TRIM66: variants seen among roughly 807,000 people sequenced by gnomAD.
The protein encoded by TRIM66 is tripartite motif containing 66, also known as tripartite motif-containing protein 66.
A neutral mutation model predicts 148.2 loss-of-function variants in TRIM66; 99 were observed. That is an observed-to-expected ratio of 0.67 (90% CI 0.57 to 0.79). The LOEUF (loss-of-function observed/expected upper bound fraction) is 0.79. Among genes scored for constraint, TRIM66 ranks in the 30% least tolerant of loss-of-function variants. TRIM66 has a pLI of 0.00. For synonymous variants in TRIM66, 616 were observed against 635.9 expected (o/e 0.97, Z 0.47); for missense variants, 1,666 against 1,697.9 (o/e 0.98, Z 0.33).
rs1565514688 is a variant in TRIM66, at chr11:8,640,528, AGGGGAGGTGGGGGATG to A, written c.1831_1846del (p.His611PhefsTer37). 1.7e-6 allele frequency: 1 copy of A among 592,866 alleles called. No individual in the cohort carries two copies. The highest frequency in any genetic ancestry group is 5.2e-5 in the Admixed American group (1 of 19,406). The allele number at this position is 592,866 out of a possible 1,614,324, so 36.7% of individuals were successfully genotyped here. ...GTGTGGCTGCTGTGGGGGAGGGGGA[AGGGGAGGTGGGGGATG>A]GGGGAGGGGTGGTGGTGGAGGTGGT... On this transcript the variant is annotated frameshift_variant, in exon 14 of 25. Transcript: ENST00000646038. LOFTEE classifies it high-confidence loss of function.
chr11:8,676,276 T>C (rs1421270175), intron 3 of TRIM66, among the ~76,000 whole-genome samples: 1 of 151,928 alleles, frequency 6.6e-6, no homozygotes, highest in Non-Finnish European at 1.5e-5. Context: ...TGGTAAAGAA[T>C]ATAAGGTTTT....
intron 4 of TRIM66, among the ~76,000 whole-genome samples, 151 bp from the exon 5 acceptor site, chr11:8,672,536 C>G (rs1217828380): frequency 6.6e-6 from 1 of 151,830 alleles, no homozygotes; most frequent in African/African-American, 2.4e-5. Context: ...GTTAGAGAGG[C>G]TGGGTCACGC....
intron 7 of TRIM66, among the ~76,000 whole-genome samples, chr11:8,650,137 C>G (rs1439146537): frequency 6.6e-6 from 1 of 152,072 alleles, no homozygotes; most frequent in Non-Finnish European, 1.5e-5. Context: ...CTTTGGGAGG[C>G]CAAGGCAGGA....
At chr11:8,635,241 T>C (rs1050110256) in intron 15 of TRIM66, among the ~76,000 whole-genome samples, 3 of 152,206 alleles carry the variant, frequency 2.0e-5, no homozygotes, top group African/African-American at 7.2e-5. Flanking sequence ...ACTTAACCTC[T>C]CTGTGTCTCA....
rs1488759586 is a variant in TRIM66, at chr11:8,624,507, T to C, written c.2871A>G (p.Gln957=). 1.3e-5 allele frequency: 20 copies of C among 1,546,424 alleles called. No individual in the cohort carries two copies. Among genetic ancestry groups the C allele is most frequent in the Non-Finnish European group, 1.4e-5 (16 of 1,145,706 alleles). ...DSTRFTDLLG[Q]GPIVPGLDAP... Reference sequence around the variant, plus strand: ...CATCCAGACCGGGGACTATGGGACCTTGTCCCAGTAAGTCAGTGAAGCGAG... The same window carrying C: ...CATCCAGACCGGGGACTATGGGACCCTGTCCCAGTAAGTCAGTGAAGCGAG... The change falls in exon 17 of 25, where the codon CAA becomes CAG. Residue 957 remains glutamine (Q), a synonymous_variant. Transcript: ENST00000646038.
intron 16 of TRIM66, 56 bp from the exon 17 acceptor site, chr11:8,624,607 G>C: frequency 2.0e-6 from 3 of 1,494,302 alleles, no homozygotes; most frequent in South Asian, 1.4e-5. Flanking sequence ...GTTGTCATTA[G>C]TGGTCTCAGA....
In TRIM66 at chr11:8,624,488, G is replaced by A; in HGVS notation, c.2890C>T (p.Leu964=). ...ATGGCCAAGTCCTTGGGAGCATCCA[G>A]ACCGGGGACTATGGGACCTTGTCCC... ...LLGQGPIVPG[L]DAPKDLAIPS... is the part of the protein sequence containing the mutation. Residue 964 remains leucine, a synonymous_variant, in exon 17 of 25, where the codon CTG becomes TTG. Transcript: ENST00000646038. 1 of 1,551,420 alleles carries A rather than the reference G, an allele frequency of 6.4e-7. No homozygotes were observed. The highest frequency in any genetic ancestry group is 8.7e-7 in the Non-Finnish European group (1 of 1,146,924).
At chr11:8,649,342 A>AAAAAAT (rs533203211) in intron 8 of TRIM66, among the ~76,000 whole-genome samples, 42 of 152,310 alleles carry the variant, frequency 2.8e-4, no homozygotes, top group African/African-American at 8.7e-4. Context: ...CCATCTCAAA[A>AAAAAAT]AAAAATAAAA....
intron 6 of TRIM66, among the ~76,000 whole-genome samples, chr11:8,655,555 G>A (rs1024238894): frequency 6.6e-6 from 1 of 152,120 alleles, no homozygotes; most frequent in Non-Finnish European, 1.5e-5. Context: ...TGCCAAGGCA[G>A]GAGGATCACC....
At chr11:8,649,658 T>C in intron 8 of TRIM66, 82 bp downstream of exon 8, 1 of 1,486,466 alleles carries the variant, frequency 6.7e-7, no homozygotes, top group Non-Finnish European at 9.0e-7. Flanking sequence ...GAAAACAAGA[T>C]CGGAGAGCTA....
intron 6 of TRIM66, among the ~76,000 whole-genome samples, chr11:8,662,173 G>A (rs185038700): frequency 6.6e-6 from 1 of 152,236 alleles, no homozygotes; most frequent in African/African-American, 2.4e-5. Context: ...TTGAGTTACT[G>A]CCCACAACAG....
chr11:8,631,958 A>G (rs949204017), intron 15 of TRIM66, among the ~76,000 whole-genome samples: 4 of 152,178 alleles, frequency 2.6e-5, no homozygotes, highest in African/African-American at 7.2e-5. Context: ...CAATAGAAAA[A>G]GGGACCACAG....
chr11:8,648,871 G>A (rs1439152252), intron 8 of TRIM66, among the ~76,000 whole-genome samples: 2 of 152,204 alleles, frequency 1.3e-5, no homozygotes, highest in East Asian at 3.9e-4. Flanking sequence ...ACCTTAACCT[G>A]TTCATTAATC....
chr11:8,671,413 T>C (rs1020598510), intron 6 of TRIM66, among the ~76,000 whole-genome samples: 3 of 152,162 alleles, frequency 2.0e-5, no homozygotes, highest in African/African-American at 7.2e-5. Context: ...TGTGATTCTA[T>C]TCAAAATCTG....
At chr11:8,658,041 G>A (rs1202357100) in intron 6 of TRIM66, among the ~76,000 whole-genome samples, 3 of 152,260 alleles carry the variant, frequency 2.0e-5, no homozygotes, top group East Asian at 1.9e-4. Flanking sequence ...CAGGCGGGCT[G>A]CAAGGCCTAA....
chr11:8,663,445 TAAC>T (rs1363097638), intron 6 of TRIM66, among the ~76,000 whole-genome samples: 40 of 152,240 alleles, frequency 2.6e-4, no homozygotes, highest in African/African-American at 8.2e-4. Context: ...AGTAGGAGAT[TAAC>T]AATAACTAAT....
chr11:8,634,332 AT>A (rs569910266), intron 15 of TRIM66, among the ~76,000 whole-genome samples: 40 of 152,054 alleles, frequency 2.6e-4, no homozygotes, highest in African/African-American at 8.9e-4. Flanking sequence ...CGCCTGGCTA[AT>A]TTTCTTGTGT....
intron 1 of TRIM66, among the ~76,000 whole-genome samples, chr11:8,682,077 G>C (rs1054725815): frequency 9.9e-5 from 15 of 152,248 alleles, no homozygotes; most frequent in Admixed American, 4.6e-4. Context: ...GTGGCATTTA[G>C]AAAAAGTATT....
chr11:8,636,258 C>T (rs1033281119), intron 15 of TRIM66, among the ~76,000 whole-genome samples: 1 of 151,866 alleles, frequency 6.6e-6, no homozygotes, highest in African/African-American at 2.4e-5. Context: ...TTTCTAGCCA[C>T]CCCCACCCCT....
Sources: gnomAD v4.1 joint callset for allele counts (sites outside exome capture counted in the v4.1 genomes callset) on GRCh38, gnomAD v4.1.1 for gene constraint, MANE v1.5 for transcripts, NCBI Gene and HGNC (gene_info 2026-07-23, HGNC 2026-07-21) for gene names.